SLC16A7: variants seen among roughly 807,000 people sequenced by gnomAD.
SLC16A7 encodes the protein monocarboxylate transporter 2.
Under a neutral mutation model 34.9 loss-of-function variants are expected in SLC16A7, and 33 were observed. That is an observed-to-expected ratio of 0.94 (90% CI 0.72 to 1.26). The LOEUF is 1.26. Ranked by LOEUF, SLC16A7 falls within the 50% of genes most tolerant of loss-of-function variation. SLC16A7 has a pLI of 0.00. For synonymous variants in SLC16A7, 201 were observed against 206.6 expected (o/e 0.97, Z 0.23); for missense variants, 573 against 578.1 (o/e 0.99, Z 0.09).
In SLC16A7 at chr12:59,699,275, T is replaced by A. The variant is rs547952950; in HGVS notation, c.-30-5497T>A. ...TAGAAGGACAAGTTGGAAGCTTTTT[T>A]CCTTTGGTGTAAGCATAACTAGTAA... On this transcript the variant is annotated intron_variant, in intron 2 of 5. Transcript: ENST00000547379. Among the ~76,000 whole-genome samples the A allele has an allele frequency of 4.9e-4, 74 of 151,762 alleles. 6 individuals are homozygous for A. The highest frequency in any genetic ancestry group is 1.7e-3 in the African/African-American group (69 of 41,530).
At chr12:59,603,055 T>C (rs1592379085) in intron 1 of SLC16A7, among the ~76,000 whole-genome samples, 1 of 152,224 alleles carries the variant, frequency 6.6e-6, no homozygotes, top group African/African-American at 2.4e-5. Flanking sequence ...AGCAGTATTC[T>C]AGCCTAGAAG....
intron 3 of SLC16A7, among the ~76,000 whole-genome samples, chr12:59,742,379 A>G (rs1446878029): frequency 6.6e-6 from 1 of 152,186 alleles, no homozygotes; most frequent in Non-Finnish European, 1.5e-5. Flanking sequence ...TCATTTTTAA[A>G]GAGGCAGTGT....
intron 2 of SLC16A7, among the ~76,000 whole-genome samples, chr12:59,690,601 C>T (rs1871536594): frequency 6.6e-6 from 1 of 151,952 alleles, no homozygotes; most frequent in Admixed American, 6.6e-5. Flanking sequence ...GTTTGTTACA[C>T]AGATTAAGTC....
chr12:59,631,124 G>A (rs1259290350), intron 1 of SLC16A7, among the ~76,000 whole-genome samples: 1 of 151,920 alleles, frequency 6.6e-6, no homozygotes, highest in Non-Finnish European at 1.5e-5. Context: ...TTGGTATCCT[G>A]AAGAGTTTTA....
chr12:59,763,497 T>A (rs1881232392), intron 3 of SLC16A7, among the ~76,000 whole-genome samples: 1 of 152,078 alleles, frequency 6.6e-6, no homozygotes, highest in Non-Finnish European at 1.5e-5. Context: ...TTATTTCTAG[T>A]CAATAAACTT....
At chr12:59,777,641 TTTTA>T (rs1419131449) in intron 5 of SLC16A7, among the ~76,000 whole-genome samples, 2 of 151,742 alleles carry the variant, frequency 1.3e-5, no homozygotes, top group Non-Finnish European at 2.9e-5. Context: ...AAAATATTTC[TTTTA>T]TTATTTTTTA....
chr12:59,620,539 A>ATAGT (rs1879653842), intron 1 of SLC16A7, among the ~76,000 whole-genome samples: 1 of 151,986 alleles, frequency 6.6e-6, no homozygotes, highest in African/African-American at 2.4e-5. Context: ...TTGATGACTA[A>ATAGT]GGCCTTTCTA....
intron 3 of SLC16A7, chr12:59,769,296 C>G (rs61933843): frequency 0.078 from 11,802 of 152,146 alleles, 548 homozygotes; most frequent in South Asian, 0.17. Context: ...TTCACTTTAT[C>G]AAGGTTCTCT....
chr12:59,733,808 A>G (rs1877253210), intron 3 of SLC16A7: 3 of 456,052 alleles, frequency 6.6e-6, no homozygotes, highest in Non-Finnish European at 1.3e-5. Context: ...ACTGAGCAAC[A>G]AAACAACTCT....
At chr12:59,615,413 A>G (rs988674005) in intron 1 of SLC16A7, among the ~76,000 whole-genome samples, 2 of 152,122 alleles carry the variant, frequency 1.3e-5, no homozygotes, top group African/African-American at 4.8e-5. Context: ...TATTTCAGTT[A>G]TGGCAGTGAT....
chr12:59,632,485 G>A (rs552858929), intron 1 of SLC16A7, among the ~76,000 whole-genome samples: 15 of 151,882 alleles, frequency 9.9e-5, no homozygotes, highest in Non-Finnish European at 1.9e-4. Flanking sequence ...GGAGGCAGCT[G>A]GGGCACAATA....
rs1454193686 is a variant in SLC16A7, at chr12:59,616,646, G to A, written c.-130+20410G>A. On this transcript the variant is annotated intron_variant, in intron 1 of 5. Coordinates refer to ENST00000547379, the MANE Select transcript of SLC16A7 (RefSeq NM_001270623.2). ...GTTATTCAAGTGTCTCAAGTCAGCT[G>A]TTTGTGAGGGTAAAAATAGGGAATG... 2.6e-5 allele frequency among the ~76,000 whole-genome samples: 4 copies of A among 152,246 alleles called. 1 individual carries two copies. Among genetic ancestry groups the A allele is most frequent in the Middle Eastern group, 6.8e-3 (2 of 294 alleles).
rs189839977 is a variant in SLC16A7 at position 59,781,659 on chromosome 12, G to A, written c.*1980G>A. 3 of 152,404 alleles carry A rather than the reference G, an allele frequency of 2.0e-5. No homozygotes were observed. Among genetic ancestry groups the A allele is most frequent in the Non-Finnish European group, 4.4e-5 (3 of 67,992 alleles). The allele number at this position is 152,404 out of a possible 1,614,324, so 9.4% of individuals were successfully genotyped here. A position where few individuals can be genotyped will look rare whatever the true frequency, so the allele number is the denominator to read the frequency against. ...GGCTGTTTTTAATTTAGTTTCACCCGATCTTGATTCTTGAATTAGCTATGT... is the reference window on the plus strand; with the variant it reads ...GGCTGTTTTTAATTTAGTTTCACCCAATCTTGATTCTTGAATTAGCTATGT... On this transcript the variant is annotated 3_prime_UTR_variant, in exon 6 of 6. Coordinates refer to ENST00000547379, the MANE Select transcript of SLC16A7 (RefSeq NM_001270623.2).
chr12:59,707,416 A>G (rs547852872), intron 3 of SLC16A7, among the ~76,000 whole-genome samples: 12 of 152,210 alleles, frequency 7.9e-5, no homozygotes, highest in African/African-American at 2.2e-4. Flanking sequence ...TGGCATAATT[A>G]ACTTTCTCAA....
At chr12:59,709,572 T>C (rs1309967518) in intron 3 of SLC16A7, among the ~76,000 whole-genome samples, 2 of 151,636 alleles carry the variant, frequency 1.3e-5, no homozygotes, top group Non-Finnish European at 1.5e-5. Context: ...CTGTGCAATA[T>C]CTTAGCAGCA....
intron 2 of SLC16A7, among the ~76,000 whole-genome samples, chr12:59,659,516 A>G (rs1190344999): frequency 1.3e-5 from 2 of 152,118 alleles, no homozygotes; most frequent in Non-Finnish European, 2.9e-5. Context: ...TGTACATAAT[A>G]TAATGGGTTT....
intron 3 of SLC16A7, among the ~76,000 whole-genome samples, chr12:59,717,343 C>T (rs758078477): frequency 1.4e-4 from 22 of 152,052 alleles, no homozygotes; most frequent in Non-Finnish European, 1.9e-4. Flanking sequence ...GCCTCTTGGG[C>T]GCCAGGAGTA....
At chr12:59,693,708 T>C (rs1274508818) in intron 2 of SLC16A7, among the ~76,000 whole-genome samples, 1 of 151,852 alleles carries the variant, frequency 6.6e-6, no homozygotes, top group African/African-American at 2.4e-5. Context: ...AAGATAAGAA[T>C]ATAAATTCTG....
Position 59,603,440 on chromosome 12 carries a change from G to A in SLC16A7, c.-130+7204G>A, listed in dbSNP as rs542833708. Among the ~76,000 whole-genome samples, 37 of 152,124 alleles carry A rather than the reference G, an allele frequency of 2.4e-4. 1 individual carries two copies. Among genetic ancestry groups the A allele is most frequent in the Admixed American group, 1.2e-3 (18 of 15,278 alleles). On this transcript the variant is annotated intron_variant, in intron 1 of 5. Coordinates refer to ENST00000547379, the MANE Select transcript of SLC16A7 (RefSeq NM_001270623.2). Reference sequence around the variant, plus strand: ...GTTCATTCTCATTCTACTTCCTACCGCCAAATCTTTGGCCATGCTGTTCTT... The same window carrying A: ...GTTCATTCTCATTCTACTTCCTACCACCAAATCTTTGGCCATGCTGTTCTT...
Sources: allele counts gnomAD v4.1 joint callset (sites outside exome capture counted in the v4.1 genomes callset), GRCh38; gene constraint gnomAD v4.1.1; transcripts MANE v1.5; gene names NCBI Gene and HGNC (gene_info 2026-07-23, HGNC 2026-07-21).